The following ZFP42 variants were observed in gnomAD, a reference collection of about 807,000 sequenced individuals.
ZFP42 encodes the protein ZFP42 zinc finger protein, also known as zinc finger protein 42 homolog.
For synonymous variants in ZFP42, 175 were observed against 144.6 expected (o/e 1.21, Z -1.51); for missense variants, 438 against 377.1 (o/e 1.16, Z -1.34).
chr4:188,003,427 A>G lies in ZFP42; in HGVS notation c.620A>G (p.Lys207Arg). 6.2e-7 allele frequency: 1 copy of G among 1,614,158 alleles called. No individual in the cohort carries two copies. Among genetic ancestry groups the G allele is most frequent in the East Asian group, 2.2e-5 (1 of 44,864 alleles). ...TTGAGGAATAGAGCTGCCCTGAGAA[A>G]GCATCTCCTCATTCATGGTCCCCGA... ...RKLRNRAALR[K>R]HLLIHGPRDH... The change falls in exon 4 of 4, where the codon AAG becomes AGG. Residue 207 changes from lysine (K) to arginine (R), a missense_variant. Coordinates refer to ENST00000326866, the MANE Select transcript of ZFP42 (RefSeq NM_174900.5).
At chr4:187,996,417 T>A (rs975963292) in intron 1 of ZFP42, among the ~76,000 whole-genome samples, 13 of 152,106 alleles carry the variant, frequency 8.5e-5, no homozygotes, top group African/African-American at 2.9e-4. Context: ...TTCAAGGGAT[T>A]CTCCTGCCTC....
chr4:188,000,811 G>C (rs532126354), intron 3 of ZFP42, among the ~76,000 whole-genome samples: 2 of 151,912 alleles, frequency 1.3e-5, no homozygotes, highest in South Asian at 4.2e-4. Context: ...ATGAAATCCC[G>C]TATCTACTAA....
Position 187,995,793 on chromosome 4 carries a change from T to G in ZFP42, c.-386T>G, listed in dbSNP as rs1194249954. 1 of 152,318 alleles carries G rather than the reference T, an allele frequency of 6.6e-6. No individual in the cohort carries two copies. The highest frequency in any genetic ancestry group is 1.5e-5 in the Non-Finnish European group (1 of 68,112). The allele number at this position is 152,318 out of a possible 1,614,324, so 9.4% of individuals were successfully genotyped here. A position where few individuals can be genotyped will look rare whatever the true frequency, so the allele number is the denominator to read the frequency against. On this transcript the variant is annotated 5_prime_UTR_variant, in exon 1 of 4. Coordinates refer to ENST00000326866, the MANE Select transcript of ZFP42 (RefSeq NM_174900.5). ...TGCAGTTTCTCCTTTGTTTTACGTT[T>G]GGGAGGAGGTGGCATTGGAAATAGC...
Position 188,004,337 on chromosome 4 carries a change from T to C in ZFP42, c.*597T>C, listed in dbSNP as rs1273207487. 2.0e-5 allele frequency: 3 copies of C among 152,732 alleles called. No individual in the cohort carries two copies. In the Admixed American group the frequency reaches 2.0e-4, roughly 10 times the overall value. The allele number at this position is 152,732 out of a possible 1,614,324, so 9.5% of individuals were successfully genotyped here. A position where few individuals can be genotyped will look rare whatever the true frequency, so the allele number is the denominator to read the frequency against. On this transcript the variant is annotated 3_prime_UTR_variant, in exon 4 of 4. Transcript: ENST00000326866. The stretch of plus-strand genomic sequence containing the variant: ...TTATATATTTTTATTTTTGTTTTTG[T>C]TGGTAGGCGTCTCGCTCTGTCACCC...
downstream of ZFP42, chr4:188,005,173 G>A (rs965608866): frequency 6.1e-6 from 1 of 165,140 alleles, no homozygotes; most frequent in African/African-American, 2.4e-5. Flanking sequence ...ATGGCGGGAA[G>A]TTGGGCTTAC....
chr4:187,996,855 T>C (rs951299151), intron 1 of ZFP42, among the ~76,000 whole-genome samples: 1 of 152,184 alleles, frequency 6.6e-6, no homozygotes, highest in Non-Finnish European at 1.5e-5. Context: ...AAAAACTTGC[T>C]GTTTGCTTGT....
intron 1 of ZFP42, among the ~76,000 whole-genome samples, chr4:187,998,281 A>C (rs1553987733): frequency 6.6e-6 from 1 of 152,170 alleles, no homozygotes; most frequent in Non-Finnish European, 1.5e-5. Context: ...GGTTGCTGTG[A>C]GCGGAGATCA....
rs1284860295 is a variant in ZFP42, at chr4:188,003,527, T to C, written c.720T>C (p.Thr240=). Residue 240 remains threonine, a synonymous_variant, in exon 4 of 4, where the codon ACT becomes ACC. Coordinates refer to ENST00000326866, the MANE Select transcript of ZFP42 (RefSeq NM_174900.5). ...SKLKRHFLVH[T]GEKPFRCTFE... is the part of the protein sequence containing the mutation. ...TAAAGAGACATTTCCTGGTTCATAC[T>C]GGAGAGAAGCCGTTTCGGTGCACTT... The C allele has an allele frequency of 2.5e-6, 4 of 1,613,792 alleles. No homozygotes were observed. Among genetic ancestry groups the C allele is most frequent in the South Asian group, 2.2e-5 (2 of 91,078 alleles).
In ZFP42 at chr4:188,004,780, C is replaced by T. The variant is rs1733986556; in HGVS notation, c.*1040C>T. On this transcript the variant is annotated 3_prime_UTR_variant, in exon 4 of 4. Coordinates refer to ENST00000326866, the MANE Select transcript of ZFP42 (RefSeq NM_174900.5). Reference sequence around the variant, plus strand: ...TCCAGACTGGATAACAGCAAGAGCCCATCTTTTAAAAAAAGTAAAAATTAA... The same window carrying T: ...TCCAGACTGGATAACAGCAAGAGCCTATCTTTTAAAAAAAGTAAAAATTAA... 1 of 166,916 alleles carries T rather than the reference C, an allele frequency of 6.0e-6. No individual in the cohort carries two copies. Among genetic ancestry groups the T allele is most frequent in the Admixed American group, 6.6e-5 (1 of 15,242 alleles). 10.3% of individuals were successfully genotyped at this position (166,916 alleles called of 1,614,324 possible).
At chr4:187,998,701 A>C (rs1733698809) in intron 1 of ZFP42, among the ~76,000 whole-genome samples, 1 of 152,180 alleles carries the variant, frequency 6.6e-6, no homozygotes, top group Admixed American at 6.5e-5. Flanking sequence ...GGAGATTTAT[A>C]GCCTAGGAGC....
intron 3 of ZFP42, among the ~76,000 whole-genome samples, chr4:188,001,230 C>CTT (rs923838935): frequency 6.6e-6 from 1 of 151,118 alleles, no homozygotes; most frequent in African/African-American, 2.4e-5. Flanking sequence ...ACCTTTGCCT[C>CTT]TTTTTTAAAG....
In ZFP42 at chr4:188,003,951, T is replaced by C. The variant is rs1380486638; in HGVS notation, c.*211T>C. The C allele has an allele frequency of 6.0e-6, 3 of 498,834 alleles. No homozygotes were observed. The highest frequency in any genetic ancestry group is 3.9e-5 in the African/African-American group (2 of 51,784). The allele number at this position is 498,834 out of a possible 1,614,324, so 30.9% of individuals were successfully genotyped here. ...CTTTTATTTGTTTTATTTAGAACTT[T>C]TTTTATTTGTTTTATTTAGAACTTT... is the stretch of plus-strand genomic sequence containing the variant. On this transcript the variant is annotated 3_prime_UTR_variant, in exon 4 of 4. Coordinates refer to ENST00000326866, the MANE Select transcript of ZFP42 (RefSeq NM_174900.5).
chr4:187,998,336 CA>C (rs145899317), intron 1 of ZFP42, among the ~76,000 whole-genome samples: 30,585 of 145,568 alleles, frequency 0.21, 3,705 homozygotes, highest in East Asian at 0.47. Context: ...AACTCTGTCT[CA>C]AAAAAAAAAG....
At chr4:188,001,964 G>C (rs981959028) in intron 3 of ZFP42, among the ~76,000 whole-genome samples, 2 of 152,098 alleles carry the variant, frequency 1.3e-5, no homozygotes, top group Middle Eastern at 3.2e-3. Flanking sequence ...GGATCACGAA[G>C]TCGGGAGCTC....
intron 3 of ZFP42, among the ~76,000 whole-genome samples, chr4:187,999,980 G>A (rs976745565): frequency 6.6e-6 from 1 of 152,214 alleles, no homozygotes; most frequent in Non-Finnish European, 1.5e-5. Flanking sequence ...GATGGCAGGA[G>A]GTGAGCTTGG....
intron 3 of ZFP42, among the ~76,000 whole-genome samples, chr4:188,001,752 T>A (rs980643808): frequency 2.0e-5 from 3 of 152,218 alleles, no homozygotes; most frequent in African/African-American, 7.2e-5. Context: ...ATGCAACATA[T>A]ACTTGTAGAA....
In ZFP42 at chr4:188,002,710, C is replaced by A; in HGVS notation, c.-95-3C>A. ...TTAACTAAAGGTTATTATCATAAAG[C>A]AGGTGTTTGCTGAAGACAGCTTACT... On this transcript the variant is annotated splice_polypyrimidine_tract_variant and splice_region_variant and intron_variant, in intron 3 of 3. Coordinates refer to ENST00000326866, the MANE Select transcript of ZFP42 (RefSeq NM_174900.5). 1 of 941,166 alleles carries A rather than the reference C, an allele frequency of 1.1e-6. No individual in the cohort carries two copies. The highest frequency in any genetic ancestry group is 1.6e-6 in the Non-Finnish European group (1 of 608,614). The allele number at this position is 941,166 out of a possible 1,614,324, so 58.3% of individuals were successfully genotyped here.
intron 1 of ZFP42, among the ~76,000 whole-genome samples, chr4:187,997,036 T>G (rs960432190): frequency 1.3e-5 from 1 of 77,448 alleles, no homozygotes; most frequent in Non-Finnish European, 2.3e-5. Flanking sequence ...GCATGGAGCG[T>G]GGAGCATGGA....
At chr4:187,996,747 C>G (rs1560910820) in intron 1 of ZFP42, among the ~76,000 whole-genome samples, 1 of 152,188 alleles carries the variant, frequency 6.6e-6, no homozygotes, top group Non-Finnish European at 1.5e-5. Context: ...TGCTCCAAAC[C>G]CCTGGCAGCC....
Sources: gnomAD v4.1 joint callset for allele counts (sites outside exome capture counted in the v4.1 genomes callset) on GRCh38, gnomAD v4.1.1 for gene constraint, MANE v1.5 for transcripts, NCBI Gene and HGNC (gene_info 2026-07-23, HGNC 2026-07-21) for gene names.